The following DLGAP2 variants were observed in gnomAD, a reference collection of about 807,000 sequenced individuals.
DLGAP2 encodes DLG associated protein 2.
A neutral mutation model predicts 100.3 loss-of-function variants in DLGAP2; 26 were observed. The ratio of observed to expected loss-of-function variants is 0.26; its 90% confidence interval spans 0.19 to 0.36. The LOEUF (loss-of-function observed/expected upper bound fraction) is 0.36. Among genes scored for constraint, DLGAP2 ranks in the 10% least tolerant of loss-of-function variants. The pLI is 1.00. For synonymous variants in DLGAP2, 886 were observed against 630.1 expected (o/e 1.41, Z -6.08); for missense variants, 1,858 against 1,453.2 (o/e 1.28, Z -4.53).
intron 7 of DLGAP2, 127 bp downstream of exon 7, chr8:1,627,014 C>T: frequency 8.6e-7 from 1 of 1,165,278 alleles, no homozygotes. Context: ...AAGGCTACAC[C>T]AAAGGGGGTT....
chr8:1,481,363 A>C (rs1799087573), intron 3 of DLGAP2, among the ~76,000 whole-genome samples: 1 of 152,044 alleles, frequency 6.6e-6, no homozygotes, highest in African/African-American at 2.4e-5. Flanking sequence ...GGAGATAGAA[A>C]GATTTACACT....
intron 1 of DLGAP2, among the ~76,000 whole-genome samples, chr8:900,018 C>T (rs1408282126): frequency 6.6e-6 from 1 of 152,210 alleles, no homozygotes; most frequent in Non-Finnish European, 1.5e-5. Flanking sequence ...CAGAATATGT[C>T]TTTAAGACCT....
chr8:864,802 A>T lies in DLGAP2; in HGVS notation c.19-43110A>T, dbSNP rs535386436. On this transcript the variant is annotated intron_variant, in intron 1 of 14. Coordinates refer to ENST00000637795, the MANE Select transcript of DLGAP2 (RefSeq NM_001346810.2). Reference sequence around the variant, plus strand: ...CGTTAACACTGAGAATTTGTTTTTAAAAAGGGATGGCTGAAAATATTAAAA... The same window carrying T: ...CGTTAACACTGAGAATTTGTTTTTATAAAGGGATGGCTGAAAATATTAAAA... Among the ~76,000 whole-genome samples, 4 of 152,282 alleles carry T rather than the reference A, an allele frequency of 2.6e-5. No individual in the cohort carries two copies. The South Asian group carries it at 8.3e-4, about 32-fold the overall frequency.
intron 8 of DLGAP2, among the ~76,000 whole-genome samples, chr8:1,638,241 G>A (rs1394885007): frequency 6.6e-6 from 1 of 152,150 alleles, no homozygotes; most frequent in African/African-American, 2.4e-5. Flanking sequence ...CTGCGTTTCA[G>A]ACAGACCCTT....
chr8:1,422,509 G>A (rs56970498), intron 3 of DLGAP2, among the ~76,000 whole-genome samples: 2,426 of 150,872 alleles, frequency 0.016, 61 homozygotes, highest in African/African-American at 0.052. Context: ...GTAAATCTGC[G>A]TCTTGATCCC....
chr8:902,242 A>T (rs1007755683), intron 1 of DLGAP2, among the ~76,000 whole-genome samples: 9 of 152,050 alleles, frequency 5.9e-5, no homozygotes, highest in African/African-American at 2.2e-4. Flanking sequence ...GATCATTCCT[A>T]CTGGATAGGA....
chr8:1,564,059 A>T (rs1802293747), intron 5 of DLGAP2, among the ~76,000 whole-genome samples: 1 of 152,176 alleles, frequency 6.6e-6, no homozygotes, highest in Non-Finnish European at 1.5e-5. Flanking sequence ...TAGTTCCTTG[A>T]CTACAGACTG....
chr8:1,652,226 T>G (rs1262807008), intron 8 of DLGAP2, among the ~76,000 whole-genome samples: 1 of 152,192 alleles, frequency 6.6e-6, no homozygotes, highest in Non-Finnish European at 1.5e-5. Flanking sequence ...TACGTGAAGA[T>G]GCTAATGACA....
At chr8:1,290,747 G>A (rs935651675) in intron 3 of DLGAP2, among the ~76,000 whole-genome samples, 1 of 152,192 alleles carries the variant, frequency 6.6e-6, no homozygotes, top group Non-Finnish European at 1.5e-5. Context: ...TAGTTAAAAT[G>A]CTAAAATGCT....
chr8:836,522 G>T (rs76110044), intron 1 of DLGAP2, among the ~76,000 whole-genome samples: 1 of 152,220 alleles, frequency 6.6e-6, no homozygotes, highest in East Asian at 1.9e-4. Flanking sequence ...GGCCTGGCAG[G>T]TGCGGGGGCA....
intron 3 of DLGAP2, among the ~76,000 whole-genome samples, chr8:1,364,502 CGG>C (rs139560352): frequency 2.1e-5 from 3 of 141,520 alleles, no homozygotes; most frequent in Non-Finnish European, 4.6e-5. Flanking sequence ...ATGGGAAGGG[CGG>C]GGGGGGTGCA....
chr8:1,137,256 G>C (rs1235675787), intron 2 of DLGAP2: 3 of 152,414 alleles, frequency 2.0e-5, no homozygotes, highest in Non-Finnish European at 4.4e-5. Flanking sequence ...ATTGAATTAG[G>C]GTTCACTCAA....
rs560800839 is a variant in DLGAP2, at chr8:1,414,742, T to C, written c.107-86624T>C. On this transcript the variant is annotated intron_variant, in intron 3 of 14. Transcript: ENST00000637795. ...TCAGGTGTCTGGCTGGGCACGGTGG[T>C]GCATGTCTGTAATCCCAACACTTTC... 3.3e-5 allele frequency among the ~76,000 whole-genome samples: 5 copies of C among 152,266 alleles called. No individual in the cohort carries two copies. The East Asian group carries it at 9.7e-4, about 29-fold the overall frequency.
At chr8:945,830 CT>C (rs1359231274) in intron 2 of DLGAP2, among the ~76,000 whole-genome samples, 3 of 151,904 alleles carry the variant, frequency 2.0e-5, no homozygotes, top group East Asian at 3.9e-4. Context: ...CCATTTCCCC[CT>C]CTCTCTCTGC....
In DLGAP2 at chr8:1,324,585, G is replaced by A. The variant is rs1239911574; in HGVS notation, c.106+65702G>A. Among the ~76,000 whole-genome samples, 6 of 152,106 alleles carry A rather than the reference G, an allele frequency of 3.9e-5. No individual in the cohort carries two copies. In the South Asian group the frequency reaches 8.3e-4, roughly 21 times the overall value. ...CAGTGTTACATCCATTCTCCATAGGGTTTTCTTAAGCTGCGTGGTTTGCAA... is the reference window on the plus strand; with the variant it reads ...CAGTGTTACATCCATTCTCCATAGGATTTTCTTAAGCTGCGTGGTTTGCAA... On this transcript the variant is annotated intron_variant, in intron 3 of 14. Transcript: ENST00000637795.
intron 3 of DLGAP2, among the ~76,000 whole-genome samples, chr8:1,354,221 G>A (rs760087064): frequency 6.6e-6 from 1 of 152,104 alleles, no homozygotes; most frequent in South Asian, 2.1e-4. Flanking sequence ...AAATACTTAC[G>A]GAGGCCAGGC....
chr8:1,595,382 G>A (rs1479139490), intron 6 of DLGAP2, among the ~76,000 whole-genome samples: 5 of 151,980 alleles, frequency 3.3e-5, no homozygotes, highest in African/African-American at 9.7e-5. Flanking sequence ...GAAATAGGTC[G>A]GCCGGGCGCG....
chr8:841,677 G>T (rs62486369), intron 1 of DLGAP2, among the ~76,000 whole-genome samples: 2,275 of 152,162 alleles, frequency 0.015, 15 homozygotes, highest in Non-Finnish European at 0.022. Context: ...GAACTCCTGG[G>T]CTCAAGCGAT....
At chr8:1,454,544 G>A (rs934223734) in intron 3 of DLGAP2, among the ~76,000 whole-genome samples, 2 of 152,076 alleles carry the variant, frequency 1.3e-5, no homozygotes, top group African/African-American at 4.8e-5. Context: ...CCTCCTGGGT[G>A]GGTTGAAATC....
Sources: allele counts gnomAD v4.1 joint callset (sites outside exome capture counted in the v4.1 genomes callset), GRCh38; gene constraint gnomAD v4.1.1; transcripts MANE v1.5; gene names NCBI Gene and HGNC (gene_info 2026-07-23, HGNC 2026-07-21).